The following APOB variants were observed in gnomAD, a reference collection of about 807,000 sequenced individuals.
The protein encoded by APOB is apolipoprotein B-100.
Under a neutral mutation model 314.1 loss-of-function variants are expected in APOB, and 153 were observed. The observed-to-expected ratio is 0.49, with a 90% CI of 0.43 to 0.56. The LOEUF (loss-of-function observed/expected upper bound fraction) is 0.56. Ranked by LOEUF, APOB falls within the 20% of genes least tolerant of loss-of-function variation. The pLI, the probability that APOB is intolerant of heterozygous loss-of-function variation, is 0.00. For synonymous variants in APOB, 2,087 were observed against 2,036.4 expected, an observed-to-expected ratio of 1.02 and a Z score of -0.67; for missense variants, 5,430 against 5,350.7, an observed-to-expected ratio of 1.01 and a Z score of -0.46.
intron 25 of APOB, among the ~76,000 whole-genome samples, 175 bp downstream of exon 25, chr2:21,012,985 A>G (rs1227471582): frequency 1.3e-5 from 2 of 152,228 alleles, no homozygotes; most frequent in African/African-American, 2.4e-5. Context: ...AGAATATTTA[A>G]TACACGTGAT....
chr2:21,032,819 A>G (rs1314228912), intron 9 of APOB, among the ~76,000 whole-genome samples: 1 of 152,182 alleles, frequency 6.6e-6, no homozygotes, highest in African/African-American at 2.4e-5. Flanking sequence ...CAACAAGAAG[A>G]CTGTTATCAC....
Position 21,002,692 on chromosome 2 carries a change from A to G in APOB, c.12730T>C (p.Ser4244Pro), listed in dbSNP as rs2103347505. The G allele has an allele frequency of 6.2e-7, 1 of 1,613,792 alleles. No individual in the cohort carries two copies. The highest frequency in any genetic ancestry group is 8.5e-7 in the Non-Finnish European group (1 of 1,179,882). ...KVHNGSEILF[S>P]YFQDLVITLP... ...GTAATCACTAGGTCTTGGAAATAGG[A>G]AAACAGTATTTCTGAACCATTATGG... Residue 4244 changes from serine (S) to proline (P), a missense_variant, in exon 29 of 29, where the codon TCC (serine) becomes CCC (proline). Ser to Pro is a moderately conservative substitution (Grantham distance 74). This residue lies in a region of APOB where 3,281 missense variants were observed against 3,171.0 expected (regional missense o/e 1.03). Coordinates refer to ENST00000233242, the MANE Select transcript of APOB (RefSeq NM_000384.3).
chr2:21,043,549 C>T lies in APOB; in HGVS notation c.85G>A (p.Glu29Lys), dbSNP rs768728964. The T allele has an allele frequency of 1.3e-5, 21 of 1,602,690 alleles. No individual in the cohort carries two copies. The highest frequency in any genetic ancestry group is 1.7e-5 in the Non-Finnish European group (20 of 1,174,700). ...LLLLAGARAE[E>K]EMLENVSLVC... ...AGGCTGACATTTTCCAGCATTTCCT[C>T]TTCTGTAAGACAGGAGAAAGAAATC... The change falls in exon 2 of 29, where the codon GAG (glutamate) becomes AAG (lysine). Residue 29 changes from glutamate to lysine, a missense_variant and splice_region_variant. By Grantham distance (56) the Glu-to-Lys change is moderately conservative (BLOSUM62 1). Transcript: ENST00000233242.
At position 21,011,037 on chromosome 2, in the gene APOB, T is replaced by A; in HGVS notation, c.5831A>T (p.His1944Leu). The A allele has an allele frequency of 6.2e-7, 1 of 1,614,190 alleles. No homozygotes were observed. The highest frequency in any genetic ancestry group is 8.5e-7 in the Non-Finnish European group (1 of 1,180,012). ...KAEPLAFTFS[H>L]DYKGSTSHHL... ...ATGACTTGTGGAGCCTTTGTAATCA[T>A]GAGAGAAAGTAAATGCCAGAGGTTC... is the stretch of plus-strand genomic sequence containing the variant. The change falls in exon 26 of 29, where the codon CAT becomes CTT. Residue 1944 changes from histidine to leucine, a missense_variant. His to Leu is a moderately conservative substitution (Grantham distance 99). Coordinates refer to ENST00000233242, the MANE Select transcript of APOB (RefSeq NM_000384.3).
rs1043381693 is a variant in APOB at position 21,019,880 on chromosome 2, T to TAG, written c.2841_2842insCT (p.Thr948LeufsTer6). 1 of 1,614,114 alleles carries TAG rather than the reference T, an allele frequency of 6.2e-7. No homozygotes were observed. The highest frequency in any genetic ancestry group is 1.7e-5 in the Admixed American group (1 of 60,016). ...AGAGGTGGGATCACCTCCGTTTTGG[T>TAG]GGTAGAGACCAAATGTAATGTGTTG... On this transcript the variant is annotated frameshift_variant, in exon 19 of 29. Transcript: ENST00000233242. LOFTEE classifies it high-confidence loss of function.
chr2:21,009,232 G>A lies in APOB; in HGVS notation c.7636C>T (p.Leu2546Phe). The change falls in exon 26 of 29, where the codon CTT becomes TTT. Residue 2546 changes from leucine (L) to phenylalanine (F), a missense_variant. Leu to Phe is a conservative substitution (Grantham distance 22, BLOSUM62 0). Around this residue, in one of 3 missense-constraint regions of APOB, gnomAD observed 3,281 missense variants for 3,171.0 expected, o/e 1.03. Transcript: ENST00000233242. ...LSLVGQVYSTLVTYISDWWTL... is the reference protein window; with the variant it reads ...LSLVGQVYSTFVTYISDWWTL... The stretch of plus-strand genomic sequence containing the variant: ...CACCAATCAGAAATGTAGGTGACAA[G>A]TGTGCTATAAACCTGGCCTACCAGA... 1.2e-6 allele frequency: 2 copies of A among 1,614,114 alleles called. No individual in the cohort carries two copies. The highest frequency in any genetic ancestry group is 1.1e-5 in the South Asian group (1 of 91,082).
chr2:21,043,139 G>C (rs939632053), intron 2 of APOB, among the ~76,000 whole-genome samples: 6 of 151,306 alleles, frequency 4.0e-5, no homozygotes, highest in East Asian at 2.0e-4. Flanking sequence ...AAATAGGAAG[G>C]GGGTGGAGGT....
chr2:21,040,780 C>T (rs929472839), intron 4 of APOB, among the ~76,000 whole-genome samples, 158 bp downstream of exon 4: 1 of 152,210 alleles, frequency 6.6e-6, no homozygotes, highest in Non-Finnish European at 1.5e-5. Flanking sequence ...ACTAATGCTT[C>T]TCTCTTTTTG....
rs749480622 is a variant in APOB at position 21,010,963 on chromosome 2, T to G, written c.5905A>C (p.Ser1969Arg). The stretch of plus-strand genomic sequence containing the variant: ...TGCTCAGCTGGAGTAAGCAGGGCAC[T>G]GACTTTGTGTTCAAGAGCTGCACTG... ...SISAALEHKV[S>R]ALLTPAEQTG... Residue 1969 changes from serine (S) to arginine (R), a missense_variant, in exon 26 of 29, where the codon AGT (serine) becomes CGT (arginine). This residue lies in a region of APOB where 3,281 missense variants were observed against 3,171.0 expected (regional missense o/e 1.03). Coordinates refer to ENST00000233242, the MANE Select transcript of APOB (RefSeq NM_000384.3). 2 of 1,614,202 alleles carry G rather than the reference T, an allele frequency of 1.2e-6. No homozygotes were observed. The highest frequency in any genetic ancestry group is 1.7e-6 in the Non-Finnish European group (2 of 1,180,012).
intron 8 of APOB, among the ~76,000 whole-genome samples, chr2:21,034,221 A>T (rs188508402): frequency 2.7e-4 from 41 of 152,244 alleles, no homozygotes; most frequent in African/African-American, 9.9e-4. Flanking sequence ...CCCCCCTCTA[A>T]TATTCTGCGG....
At position 21,043,538 on chromosome 2, in the gene APOB, C is replaced by T. The variant is rs1242725711; in HGVS notation, c.96G>A (p.Leu32=). The T allele has an allele frequency of 6.2e-7, 1 of 1,604,848 alleles. No individual in the cohort carries two copies. Among genetic ancestry groups the T allele is most frequent in the East Asian group, 2.2e-5 (1 of 44,682 alleles). ...TTGGACAGACCAGGCTGACATTTTC[C>T]AGCATTTCCTCTTCTGTAAGACAGG... ...LAGARAEEEM[L]ENVSLVCPKD... is the part of the protein sequence containing the mutation. Residue 32 remains leucine (L), a synonymous_variant, in exon 2 of 29, where the codon CTG becomes CTA. Coordinates refer to ENST00000233242, the MANE Select transcript of APOB (RefSeq NM_000384.3).
intron 18 of APOB, among the ~76,000 whole-genome samples, chr2:21,020,382 C>T (rs1663578019): frequency 6.6e-6 from 1 of 152,212 alleles, no homozygotes; most frequent in Admixed American, 6.5e-5. Flanking sequence ...TTCTTGCTTT[C>T]TCATCTTCCT....
chr2:21,010,346 C>A lies in APOB; in HGVS notation c.6522G>T (p.Leu2174=), dbSNP rs1444341722. Residue 2174 remains leucine, a synonymous_variant, in exon 26 of 29, where the codon CTG becomes CTT. Coordinates refer to ENST00000233242, the MANE Select transcript of APOB (RefSeq NM_000384.3). ...GATCAAATTGTATCATATATGTCTGCAGTTGAGATAGTTTTTCATTAAAGT... is the reference window on the plus strand; with the variant it reads ...GATCAAATTGTATCATATATGTCTGAAGTTGAGATAGTTTTTCATTAAAGT... ...KINFNEKLSQ[L]QTYMIQFDQY... is the part of the protein sequence containing the mutation. The A allele has an allele frequency of 1.4e-5, 22 of 1,571,474 alleles. No individual in the cohort carries two copies. Among genetic ancestry groups the A allele is most frequent in the Non-Finnish European group, 1.7e-5 (20 of 1,157,486 alleles).
Position 21,032,659 on chromosome 2 carries a change from C to T in APOB, c.1125-78G>A. On this transcript the variant is annotated intron_variant, in intron 9 of 28. Transcript: ENST00000233242. ...AATATTGCTCATGGTGTGTCCTCTG[C>T]CAGGAGAGCCCTTAATCACCTCATT... is the stretch of plus-strand genomic sequence containing the variant. 4 of 1,138,602 alleles carry T rather than the reference C, an allele frequency of 3.5e-6. No homozygotes were observed. In the South Asian group the frequency reaches 3.9e-5, roughly 11 times the overall value. The allele number at this position is 1,138,602 out of a possible 1,614,324, so 70.5% of individuals were successfully genotyped here.
At chr2:21,028,204 G>A in intron 13 of APOB, 123 bp downstream of exon 13, 1 of 1,136,404 alleles carries the variant, frequency 8.8e-7, no homozygotes. Flanking sequence ...GTCTAGATCT[G>A]CTACACATTT....
intron 14 of APOB, 77 bp downstream of exon 14, chr2:21,027,751 G>T: frequency 8.9e-7 from 1 of 1,121,936 alleles, no homozygotes; most frequent in Non-Finnish European, 1.4e-6. Flanking sequence ...CCTCTGGGTA[G>T]CTCCTGGCTC....
rs1425429158 is a variant in APOB at position 21,041,019 on chromosome 2, T to C, written c.302A>G (p.Glu101Gly). Residue 101 changes from glutamate to glycine, a missense_variant, in exon 4 of 29, where the codon GAG becomes GGG. Around this residue, in one of 3 missense-constraint regions of APOB, gnomAD observed 2,085 missense variants for 2,079.7 expected, o/e 1.00. Transcript: ENST00000233242. Reference protein sequence around the residue: ...ILKTSQCTLKEVYGFNPEGKA... With the variant: ...ILKTSQCTLKGVYGFNPEGKA... The stretch of plus-strand genomic sequence containing the variant: ...GCCCTCAGGGTTGAAGCCATACACC[T>C]CTTTCAGGGTGCACTGGCTGGTCTT... 2 of 1,613,672 alleles carry C rather than the reference T, an allele frequency of 1.2e-6. No individual in the cohort carries two copies. The highest frequency in any genetic ancestry group is 8.5e-7 in the Non-Finnish European group (1 of 1,179,924).
At chr2:21,027,560 G>A (rs773904764) in intron 14 of APOB, among the ~76,000 whole-genome samples, 4 of 151,992 alleles carry the variant, frequency 2.6e-5, no homozygotes, top group East Asian at 3.9e-4. Flanking sequence ...TGATCCACCC[G>A]CCTCGGCCTC....
rs572738696 is a variant in APOB at position 21,004,978 on chromosome 2, T to G, written c.11788+102A>C. On this transcript the variant is annotated intron_variant, in intron 26 of 28. Coordinates refer to ENST00000233242, the MANE Select transcript of APOB (RefSeq NM_000384.3). ...TTTCTTACTTAAAATTTTGTGACATTGAGTAATTGTACATCTACTCACAAC... is the reference window on the plus strand; with the variant it reads ...TTTCTTACTTAAAATTTTGTGACATGGAGTAATTGTACATCTACTCACAAC... The G allele has an allele frequency of 4.1e-5, 61 of 1,490,996 alleles. No homozygotes were observed. The African/African-American group carries it at 7.5e-4, about 18-fold the overall frequency. The allele number at this position is 1,490,996 out of a possible 1,614,324, so 92.4% of individuals were successfully genotyped here. A position where few individuals can be genotyped will look rare whatever the true frequency, so the allele number is the denominator to read the frequency against.
Sources: gnomAD v4.1 joint callset for allele counts (sites outside exome capture counted in the v4.1 genomes callset) on GRCh38, gnomAD v4.1.1 for gene constraint, gnomAD v4.1.1 regional missense constraint, MANE v1.5 for transcripts, NCBI Gene and HGNC (gene_info 2026-07-23, HGNC 2026-07-21) for gene names.